Variants in TPPP observed in about 807,000 individuals in gnomAD.
TPPP encodes tubulin polymerization promoting protein.
TPPP carries 6 observed loss-of-function variants against 15.5 expected under a neutral mutation model. That is an observed-to-expected ratio of 0.39 (90% CI 0.21 to 0.77). The LOEUF is 0.77. Among genes scored for constraint, TPPP ranks in the 30% least tolerant of loss-of-function variants. The probability of loss-of-function intolerance (pLI) is 0.42; values close to 1 mark genes in which losing one functional copy is unlikely to be tolerated. For synonymous variants in TPPP, 146 were observed against 133.9 expected (o/e 1.09, Z -0.63); for missense variants, 269 against 307.2 (o/e 0.88, Z 0.93).
At chr5:671,278 G>A (rs552807197) in intron 2 of TPPP, among the ~76,000 whole-genome samples, 7 of 152,284 alleles carry the variant, frequency 4.6e-5, no homozygotes, top group East Asian at 3.9e-4. Flanking sequence ...TGTAGTCACC[G>A]CCCTGTGGAC....
Position 663,254 on chromosome 5 carries a change from T to C in TPPP, c.*1848A>G, listed in dbSNP as rs1414079890. 1 of 152,448 alleles carries C rather than the reference T, an allele frequency of 6.6e-6. No homozygotes were observed. The allele number at this position is 152,448 out of a possible 1,614,324, so 9.4% of individuals were successfully genotyped here. A position where few individuals can be genotyped will look rare whatever the true frequency, so the allele number is the denominator to read the frequency against. On this transcript the variant is annotated 3_prime_UTR_variant, in exon 4 of 4. Transcript: ENST00000360578. ...CCGCACATTCAGAGTTGTTTTCAAA[T>C]GTTTCCGCACGTTAGTTCTGCCTTT...
chr5:687,115 G>T (rs1478292398), intron 1 of TPPP, among the ~76,000 whole-genome samples: 1 of 130,002 alleles, frequency 7.7e-6, no homozygotes, highest in Non-Finnish European at 1.8e-5. Context: ...CACACGCCCA[G>T]GACAACTGGA....
At chr5:696,848 G>GT, upstream of TPPP, among the ~76,000 whole-genome samples, 1 of 95,706 alleles carries the variant, frequency 1.0e-5, no homozygotes, top group East Asian at 2.5e-4. Flanking sequence ...GTTCAGCTGT[G>GT]TATGTTCAGC....
At chr5:683,322 C>T (rs1740678490) in intron 1 of TPPP, among the ~76,000 whole-genome samples, 1 of 152,186 alleles carries the variant, frequency 6.6e-6, no homozygotes, top group South Asian at 2.1e-4. Context: ...CTGGATTCCA[C>T]CAGAACCCGA....
chr5:699,000 T>C, the TPPP span, among the ~76,000 whole-genome samples: 21 of 152,080 alleles, frequency 1.4e-4, 1 homozygote, highest in African/African-American at 5.1e-4. Flanking sequence ...AACACACTGA[T>C]GAAAGAAATC....
Position 668,478 on chromosome 5 carries a change from G to A in TPPP, c.312-2355C>T, listed in dbSNP as rs1163009061. ...AGCACACGGAGAGGGGGCCGCGTGGGCGCCGTCAGGGAAGTGCAGATGGAA... is the reference window on the plus strand; with the variant it reads ...AGCACACGGAGAGGGGGCCGCGTGGACGCCGTCAGGGAAGTGCAGATGGAA... On this transcript the variant is annotated intron_variant, in intron 2 of 3. Transcript: ENST00000360578. Among the ~76,000 whole-genome samples the A allele has an allele frequency of 2.0e-5, 3 of 152,274 alleles. No individual in the cohort carries two copies. In the East Asian group the frequency reaches 5.8e-4, roughly 29 times the overall value.
At chr5:697,275 G>T (rs1191465835), upstream of TPPP, among the ~76,000 whole-genome samples, 13 of 97,068 alleles carry the variant, frequency 1.3e-4, 1 homozygote, top group Admixed American at 9.7e-4. Flanking sequence ...GGCTGATGAG[G>T]AGGGGAAGCC....
At chr5:669,021 C>T (rs1740080483) in intron 2 of TPPP, among the ~76,000 whole-genome samples, 1 of 152,250 alleles carries the variant, frequency 6.6e-6, no homozygotes, top group East Asian at 1.9e-4. Flanking sequence ...ACAACAGACA[C>T]CATCAACAGC....
chr5:685,391 C>T (rs1336528223), intron 1 of TPPP, among the ~76,000 whole-genome samples: 1 of 152,244 alleles, frequency 6.6e-6, no homozygotes, highest in East Asian at 1.9e-4. Context: ...TCCTGGTCGT[C>T]TCACATGGCG....
intron 2 of TPPP, among the ~76,000 whole-genome samples, chr5:674,043 C>T (rs550488847): frequency 1.3e-5 from 2 of 152,338 alleles, no homozygotes; most frequent in African/African-American, 2.4e-5. Context: ...TTGGTGTGTC[C>T]GGGCCAGCGC....
chr5:670,152 C>G (rs1740161153), intron 2 of TPPP, among the ~76,000 whole-genome samples: 1 of 152,198 alleles, frequency 6.6e-6, no homozygotes, highest in African/African-American at 2.4e-5. Flanking sequence ...AGGAGCTGGG[C>G]TCAGGCCAGG....
At chr5:677,614 T>G in intron 2 of TPPP, 136 bp downstream of exon 2, 1 of 780,236 alleles carries the variant, frequency 1.3e-6, no homozygotes, top group Admixed American at 3.5e-5. Context: ...TCAGGGCTGC[T>G]TCTGAGAAGG....
chr5:670,549 C>T (rs1282262590), intron 2 of TPPP, among the ~76,000 whole-genome samples: 1 of 152,090 alleles, frequency 6.6e-6, no homozygotes, highest in African/African-American at 2.4e-5. Flanking sequence ...TCCCTGGCTG[C>T]TGGGCCCCAC....
At chr5:666,156 C>A in intron 2 of TPPP, 33 bp from the exon 3 acceptor site, 1 of 1,538,380 alleles carries the variant, frequency 6.5e-7, no homozygotes, top group African/African-American at 1.7e-5. Flanking sequence ...GGGCTGGGCG[C>A]GGGCCGGCCC....
intron 2 of TPPP, among the ~76,000 whole-genome samples, chr5:672,118 T>G (rs1426015688): frequency 1.3e-5 from 2 of 152,218 alleles, no homozygotes; most frequent in East Asian, 3.8e-4. Context: ...TTGGGTTGGC[T>G]TCCGTACTGG....
At chr5:672,286 C>T (rs1580083189) in intron 2 of TPPP, among the ~76,000 whole-genome samples, 1 of 151,358 alleles carries the variant, frequency 6.6e-6, no homozygotes, top group South Asian at 2.1e-4. Context: ...CCCTGCTGTT[C>T]TCAGTCTCCC....
At chr5:699,031 AG>A in the TPPP span, among the ~76,000 whole-genome samples, 8 of 152,008 alleles carry the variant, frequency 5.3e-5, no homozygotes, top group Non-Finnish European at 2.9e-5. Flanking sequence ...CAAACAGAAA[AG>A]CATCCCATGC....
In TPPP at chr5:693,298, A is replaced by C. The variant is rs1740943699; in HGVS notation, c.-25T>G. 1.3e-5 allele frequency: 2 copies of C among 149,642 alleles called. No individual in the cohort carries two copies. The highest frequency in any genetic ancestry group is 1.9e-4 in the South Asian group (1 of 5,368). 9.3% of individuals were successfully genotyped at this position (149,642 alleles called of 1,614,324 possible). A position where few individuals can be genotyped will look rare whatever the true frequency, so the allele number is the denominator to read the frequency against. On this transcript the variant is annotated 5_prime_UTR_variant, in exon 1 of 4. Coordinates refer to ENST00000360578, the MANE Select transcript of TPPP (RefSeq NM_007030.3). Reference sequence around the variant, plus strand: ...CTTACCTTGGAGACGCAGCGACTGCAGCGGAGGCGCCTCCGCGACTCGGCC... The same window carrying C: ...CTTACCTTGGAGACGCAGCGACTGCCGCGGAGGCGCCTCCGCGACTCGGCC...
At chr5:685,659 G>A (rs535680167) in intron 1 of TPPP, among the ~76,000 whole-genome samples, 1 of 152,340 alleles carries the variant, frequency 6.6e-6, no homozygotes, top group Admixed American at 6.5e-5. Flanking sequence ...TCAACAGGGT[G>A]CACCCAGCCC....
Sources: allele counts gnomAD v4.1 joint callset (sites outside exome capture counted in the v4.1 genomes callset), GRCh38; gene constraint gnomAD v4.1.1; transcripts MANE v1.5; gene names NCBI Gene and HGNC (gene_info 2026-07-23, HGNC 2026-07-21).